Variants in DNER observed in about 807,000 individuals in gnomAD.
The protein encoded by DNER is delta/notch like EGF repeat containing.
Under a neutral mutation model 78.2 loss-of-function variants are expected in DNER, and 33 were observed. That is an observed-to-expected ratio of 0.42 (90% CI 0.32 to 0.56). The LOEUF (loss-of-function observed/expected upper bound fraction) is 0.56, where lower values mean the gene tolerates loss of function less well. Ranked by LOEUF, DNER falls within the 20% of genes least tolerant of loss-of-function variation. The probability of loss-of-function intolerance (pLI) is 0.11; values close to 1 mark genes in which losing one functional copy is unlikely to be tolerated. For synonymous variants in DNER, 417 were observed against 384.8 expected (o/e 1.08, Z -0.98); for missense variants, 918 against 975.3 (o/e 0.94, Z 0.78).
chr2:229,575,711 G>A (rs946123211), intron 4 of DNER, among the ~76,000 whole-genome samples: 7 of 152,124 alleles, frequency 4.6e-5, no homozygotes, highest in Non-Finnish European at 1.0e-4. Context: ...AGGGACAGAC[G>A]TATCCAGAAT....
chr2:229,706,501 A>C (rs1253247059), intron 1 of DNER, among the ~76,000 whole-genome samples: 2 of 151,468 alleles, frequency 1.3e-5, no homozygotes, highest in Non-Finnish European at 2.9e-5. Flanking sequence ...AGGTGGAGGC[A>C]GCAGTGAGCC....
At chr2:229,379,216 C>T (rs1471305207) in intron 11 of DNER, among the ~76,000 whole-genome samples, 1 of 152,108 alleles carries the variant, frequency 6.6e-6, no homozygotes, top group Non-Finnish European at 1.5e-5. Context: ...GGGAGTAGCT[C>T]ATAGCATAAG....
intron 8 of DNER, among the ~76,000 whole-genome samples, chr2:229,439,932 C>T (rs1404052483): frequency 6.6e-6 from 1 of 152,216 alleles, no homozygotes; most frequent in Non-Finnish European, 1.5e-5. Flanking sequence ...CACACCTTTT[C>T]AACACTACTG....
chr2:229,484,724 A>G (rs1033021867), intron 6 of DNER, among the ~76,000 whole-genome samples: 7 of 152,176 alleles, frequency 4.6e-5, no homozygotes, highest in Non-Finnish European at 8.8e-5. Context: ...TCTCCAATAC[A>G]CAAGACAGTC....
At chr2:229,541,330 A>C (rs929705748) in intron 5 of DNER, among the ~76,000 whole-genome samples, 1 of 129,078 alleles carries the variant, frequency 7.7e-6, no homozygotes, top group Non-Finnish European at 1.8e-5. Flanking sequence ...TAGAAGAAGA[A>C]GAGAATCTTG....
chr2:229,707,949 G>A lies in DNER; in HGVS notation c.276+6199C>T, dbSNP rs139381030. ...TAAGCCATAGCAACTTTCAAGGTTG[G>A]CATCAGGATCCCATTTTCACAGATG... On this transcript the variant is annotated intron_variant, in intron 1 of 12. Transcript: ENST00000341772. 7.7e-4 allele frequency among the ~76,000 whole-genome samples: 117 copies of A among 152,286 alleles called. 1 individual carries two copies. The highest frequency in any genetic ancestry group is 8.4e-4 in the Non-Finnish European group (57 of 68,028).
chr2:229,649,851 G>GA (rs2154216244), intron 1 of DNER, among the ~76,000 whole-genome samples: 1 of 152,182 alleles, frequency 6.6e-6, no homozygotes, highest in East Asian at 1.9e-4. Context: ...GAGGCGGGCG[G>GA]ATCACGAGGT....
chr2:229,418,021 C>T (rs1693686800), intron 9 of DNER, 87 bp downstream of exon 9: 1 of 1,592,732 alleles, frequency 6.3e-7, no homozygotes, highest in Non-Finnish European at 8.6e-7. Flanking sequence ...AATTCATGGT[C>T]CAATTAGAGG....
Position 229,547,405 on chromosome 2 carries a change from G to A in DNER, c.848-313C>T, listed in dbSNP as rs540435509. Among the ~76,000 whole-genome samples, 5 of 152,274 alleles carry A rather than the reference G, an allele frequency of 3.3e-5. No homozygotes were observed. The East Asian group carries it at 7.7e-4, about 23-fold the overall frequency. On this transcript the variant is annotated intron_variant, in intron 4 of 12. Transcript: ENST00000341772. ...TTGCTCCCGCCCTTGCCCTCTGGGG[G>A]CTGCTTTGTCTCTCAATCCCATCCC...
At chr2:229,437,318 A>G (rs769643278) in intron 8 of DNER, among the ~76,000 whole-genome samples, 1 of 152,270 alleles carries the variant, frequency 6.6e-6, no homozygotes, top group East Asian at 1.9e-4. Context: ...AGAGCTCTGA[A>G]TCTTCATTAA....
chr2:229,463,621 A>C (rs532841176), intron 7 of DNER, among the ~76,000 whole-genome samples: 1 of 152,108 alleles, frequency 6.6e-6, no homozygotes, highest in Admixed American at 6.5e-5. Flanking sequence ...CAATTTTTTT[A>C]TGGAAATGTG....
chr2:229,617,867 G>A (rs948500474), intron 1 of DNER, among the ~76,000 whole-genome samples: 2 of 152,066 alleles, frequency 1.3e-5, no homozygotes, highest in Non-Finnish European at 2.9e-5. Context: ...TGGGAGGATC[G>A]CTTGAGCCCA....
chr2:229,427,634 C>T (rs536050178), intron 8 of DNER, among the ~76,000 whole-genome samples: 7 of 152,124 alleles, frequency 4.6e-5, no homozygotes, highest in African/African-American at 1.7e-4. Flanking sequence ...GGAAAGTGAG[C>T]TAAGAGGGAG....
intron 1 of DNER, among the ~76,000 whole-genome samples, chr2:229,628,967 C>T (rs1698391416): frequency 6.6e-6 from 1 of 152,190 alleles, no homozygotes; most frequent in South Asian, 2.1e-4. Context: ...ACCAACACCC[C>T]CTCACCCTGC....
intron 7 of DNER, among the ~76,000 whole-genome samples, chr2:229,460,379 T>G (rs1004414446): frequency 6.6e-6 from 1 of 151,742 alleles, no homozygotes; most frequent in African/African-American, 2.4e-5. Context: ...CAAGCCAATG[T>G]GTAATGTTGA....
At chr2:229,599,030 A>G (rs1697777094) in intron 1 of DNER, among the ~76,000 whole-genome samples, 1 of 152,140 alleles carries the variant, frequency 6.6e-6, no homozygotes, top group African/African-American at 2.4e-5. Flanking sequence ...TCCAGGGGGA[A>G]TGGGACGGTG....
At chr2:229,638,777 A>G (rs1698568073) in intron 1 of DNER, among the ~76,000 whole-genome samples, 1 of 152,262 alleles carries the variant, frequency 6.6e-6, no homozygotes, top group South Asian at 2.1e-4. Flanking sequence ...TCCTTTCACT[A>G]CTAAGACATA....
intron 5 of DNER, among the ~76,000 whole-genome samples, chr2:229,526,687 T>C (rs949671304): frequency 8.5e-5 from 13 of 152,192 alleles, no homozygotes; most frequent in African/African-American, 3.1e-4. Context: ...GAGGCAGAGC[T>C]CAGGCAGTAG....
At position 229,492,913 on chromosome 2, in the gene DNER, G is replaced by A. The variant is rs76549545; in HGVS notation, c.1148-15660C>T. 3.3e-5 allele frequency among the ~76,000 whole-genome samples: 5 copies of A among 151,982 alleles called. No individual in the cohort carries two copies. The East Asian group carries it at 5.8e-4, about 18-fold the overall frequency. On this transcript the variant is annotated intron_variant, in intron 6 of 12. Coordinates refer to ENST00000341772, the MANE Select transcript of DNER (RefSeq NM_139072.4). The stretch of plus-strand genomic sequence containing the variant: ...CTCAAACTCATGGCCTCAAGTTATC[G>A]TCCAGCCTCAACTTCCCAAAGCGCT...
Sources: allele counts gnomAD v4.1 joint callset (sites outside exome capture counted in the v4.1 genomes callset), GRCh38; gene constraint gnomAD v4.1.1; transcripts MANE v1.5; gene names NCBI Gene and HGNC (gene_info 2026-07-23, HGNC 2026-07-21).